SPART: variants seen among roughly 807,000 people sequenced by gnomAD.
SPART encodes spastic paraplegia 20 (Troyer syndrome).
Under a neutral mutation model 58.7 loss-of-function variants are expected in SPART, and 35 were observed. The ratio of observed to expected loss-of-function variants is 0.60; its 90% CI spans 0.46 to 0.79. The LOEUF (loss-of-function observed/expected upper bound fraction) is 0.79. Among genes scored for constraint, SPART ranks in the 30% least tolerant of loss-of-function variants. The pLI, the probability that SPART is intolerant of heterozygous loss-of-function variation, is 0.00. For synonymous variants in SPART, 284 were observed against 280.7 expected (o/e 1.01, Z -0.12); for missense variants, 730 against 786.1 (o/e 0.93, Z 0.85).
intron 5 of SPART, among the ~76,000 whole-genome samples, chr13:36,320,090 G>T: frequency 1.3e-5 from 2 of 152,002 alleles, no homozygotes; most frequent in Non-Finnish European, 2.9e-5. Flanking sequence ...ATGTCTGCGT[G>T]CAGCGGCTGC....
chr13:36,344,625 G>A (rs1884890481), intron 1 of SPART, among the ~76,000 whole-genome samples: 1 of 152,082 alleles, frequency 6.6e-6, no homozygotes, highest in African/African-American at 2.4e-5. Flanking sequence ...TATATCCTCA[G>A]CGGTCTCAGA....
At chr13:36,312,610 AT>A in intron 6 of SPART, 133 bp from the exon 7 acceptor site, 2 of 1,049,636 alleles carry the variant, frequency 1.9e-6, no homozygotes, top group Non-Finnish European at 2.8e-6. Context: ...CTTCTTAAGG[AT>A]ATGAAGCTTA....
chr13:36,367,784 A>G (rs920831893), intron 1 of SPART, among the ~76,000 whole-genome samples: 3 of 152,144 alleles, frequency 2.0e-5, no homozygotes, highest in African/African-American at 7.2e-5. Context: ...CTCACTCACT[A>G]TGTGATGATT....
At chr13:36,339,088 C>T (rs1184746431) in intron 1 of SPART, among the ~76,000 whole-genome samples, 1 of 147,604 alleles carries the variant, frequency 6.8e-6, no homozygotes, top group African/African-American at 2.5e-5. Flanking sequence ...GTGCAGGAAA[C>T]GTAAAAAAAA....
intron 1 of SPART, among the ~76,000 whole-genome samples, chr13:36,342,117 C>T (rs956458015): frequency 2.6e-5 from 4 of 152,320 alleles, no homozygotes; most frequent in Admixed American, 6.5e-5. Flanking sequence ...TGTGACTTGG[C>T]ACCCACTTTT....
chr13:36,312,460 CAG>C lies in SPART; in HGVS notation c.1499_1500del (p.Thr500SerfsTer26). ...AGTTCTTTTCCAACGCAATTTGCTA[CAG>C]TGCAAACTCCATCAACTAATATGAC... ...VSQFLVDGVC[T>X]VANCVGKELA... On this transcript the variant is annotated frameshift_variant, in exon 7 of 9. Coordinates refer to ENST00000438666, the MANE Select transcript of SPART (RefSeq NM_015087.5). LOFTEE classifies it high-confidence loss of function. 1 of 1,614,062 alleles carries C rather than the reference CAG, an allele frequency of 6.2e-7. No individual in the cohort carries two copies. The highest frequency in any genetic ancestry group is 8.5e-7 in the Non-Finnish European group (1 of 1,180,010).
chr13:36,363,237 G>C (rs537673679), intron 1 of SPART, among the ~76,000 whole-genome samples: 1 of 152,268 alleles, frequency 6.6e-6, no homozygotes, highest in South Asian at 2.1e-4. Flanking sequence ...CAACCAAAAT[G>C]ATTTCTAGTT....
At chr13:36,313,460 T>C (rs1881335579) in intron 6 of SPART, among the ~76,000 whole-genome samples, 1 of 152,164 alleles carries the variant, frequency 6.6e-6, no homozygotes, top group African/African-American at 2.4e-5. Flanking sequence ...TCTACAATAG[T>C]GTATAGTAAT....
intron 1 of SPART, among the ~76,000 whole-genome samples, chr13:36,337,796 C>T (rs1275797607): frequency 6.6e-6 from 1 of 152,086 alleles, no homozygotes; most frequent in Non-Finnish European, 1.5e-5. Flanking sequence ...CCCCAAAGTG[C>T]AACAGTAGTG....
At chr13:36,348,890 CCACATGAGCACACA>C (rs1885302338), upstream of SPART, among the ~76,000 whole-genome samples, 1 of 152,122 alleles carries the variant, frequency 6.6e-6, no homozygotes, top group African/African-American at 2.4e-5. Context: ...CCCAGAATAG[CCACATGAGCACACA>C]CACACAGATC....
intron 4 of SPART, 95 bp downstream of exon 4, chr13:36,329,267 G>A: frequency 7.0e-7 from 1 of 1,420,522 alleles, no homozygotes; most frequent in East Asian, 2.3e-5. Context: ...AAGTTGCTTT[G>A]CTTTAGTATA....
chr13:36,363,226 ACAAC>A (rs1360340912), intron 1 of SPART, among the ~76,000 whole-genome samples: 1 of 152,220 alleles, frequency 6.6e-6, no homozygotes, highest in Non-Finnish European at 1.5e-5. Flanking sequence ...GAAAACAATA[ACAAC>A]CAAAATGATT....
At chr13:36,318,301 A>T (rs550575299) in intron 5 of SPART, among the ~76,000 whole-genome samples, 1 of 152,274 alleles carries the variant, frequency 6.6e-6, no homozygotes, top group East Asian at 1.9e-4. Context: ...CTAAAGCCAT[A>T]GTCAAGGTTA....
chr13:36,341,836 AC>A (rs1466653484), intron 1 of SPART, among the ~76,000 whole-genome samples: 3 of 152,156 alleles, frequency 2.0e-5, no homozygotes, highest in Non-Finnish European at 4.4e-5. Flanking sequence ...CCATATACAG[AC>A]CCACGTATTT....
At chr13:36,360,383 A>G (rs1015208203) in intron 1 of SPART, among the ~76,000 whole-genome samples, 1 of 152,006 alleles carries the variant, frequency 6.6e-6, no homozygotes, top group African/African-American at 2.4e-5. Flanking sequence ...AGTTCACTGG[A>G]TTTGGGGGCA....
chr13:36,312,039 A>T, intron 8 of SPART, 106 bp downstream of exon 8: 1 of 1,015,688 alleles, frequency 9.8e-7, no homozygotes, highest in Non-Finnish European at 1.5e-6. Context: ...GTGACCTAAG[A>T]TCGCGCCATT....
At chr13:36,339,216 A>G (rs1359796646) in intron 1 of SPART, among the ~76,000 whole-genome samples, 2 of 152,184 alleles carry the variant, frequency 1.3e-5, no homozygotes, top group Non-Finnish European at 2.9e-5. Flanking sequence ...ACTCCGGGAA[A>G]TTAAATATTT....
intron 5 of SPART, among the ~76,000 whole-genome samples, chr13:36,321,913 G>C (rs1323624223): frequency 2.0e-4 from 30 of 152,084 alleles, no homozygotes; most frequent in Non-Finnish European, 2.4e-4. Flanking sequence ...CTTGCCTTAA[G>C]TGATGACATT....
intron 1 of SPART, among the ~76,000 whole-genome samples, chr13:36,343,320 ATT>A (rs1488532186): frequency 6.6e-6 from 1 of 152,190 alleles, no homozygotes; most frequent in Non-Finnish European, 1.5e-5. Flanking sequence ...TTAAGATAAT[ATT>A]CTGTGGGGTG....
Sources: allele counts gnomAD v4.1 joint callset (sites outside exome capture counted in the v4.1 genomes callset), GRCh38; gene constraint gnomAD v4.1.1; transcripts MANE v1.5; gene names NCBI Gene and HGNC (gene_info 2026-07-23, HGNC 2026-07-21).